HYAL2: variants seen among roughly 807,000 people sequenced by gnomAD.
HYAL2 encodes the protein hyaluronidase 2.
Under a neutral mutation model 35.4 loss-of-function variants are expected in HYAL2, and 30 were observed. The ratio of observed to expected loss-of-function variants is 0.85; its 90% CI spans 0.63 to 1.15. HYAL2 has a LOEUF of 1.15. HYAL2 is among the 50% of genes most tolerant of loss of function. The pLI is 0.00. For missense variants in HYAL2, 635 were observed against 646.5 expected, an observed-to-expected ratio of 0.98 and a Z score of 0.19; for synonymous variants, 262 against 252.8, an observed-to-expected ratio of 1.04 and a Z score of -0.34.
chr3:50,321,829 A>C (rs1242440183), intron 1 of HYAL2: 2 of 98,742 alleles, frequency 2.0e-5, no homozygotes, highest in Non-Finnish European at 4.4e-5. Context: ...GGGGGGGGGG[A>C]ATAGGAGGAG....
chr3:50,320,738 C>G lies in HYAL2; in HGVS notation c.-46-203G>C, dbSNP rs1702670165. 1 of 498,530 alleles carries G rather than the reference C, an allele frequency of 2.0e-6. No homozygotes were observed. The allele number at this position is 498,530 out of a possible 1,614,324, so 30.9% of individuals were successfully genotyped here. ...AGAAGCACAGGGCTCTTTTCTGGAGCAGGTAGCCTGTGGCTCGGCACAAAT... is the reference window on the plus strand; with the variant it reads ...AGAAGCACAGGGCTCTTTTCTGGAGGAGGTAGCCTGTGGCTCGGCACAAAT... On this transcript the variant is annotated intron_variant, in intron 1 of 3. Coordinates refer to ENST00000357750, the MANE Select transcript of HYAL2 (RefSeq NM_003773.5). This position sits in a 1 kb window ranked among gnomAD's most constrained non-coding sequence, Gnocchi z 4.8.
At position 50,320,111 on chromosome 3, in the gene HYAL2, C is replaced by T; in HGVS notation, c.379G>A (p.Ala127Thr). The change falls in exon 2 of 4, where the codon GCG becomes ACG. Residue 127 changes from alanine (A) to threonine (T), a missense_variant. Physicochemically the swap from Ala to Thr is moderately conservative, Grantham distance 58. Coordinates refer to ENST00000357750, the MANE Select transcript of HYAL2 (RefSeq NM_003773.5). The surrounding 1 kb of genome is among the most constrained non-coding windows in gnomAD (Gnocchi z 4.8). Reference sequence around the variant, plus strand: ...TCCCAGTCGATGACCGCCAGCCCCGCAGACTCCTGTGTCCGAATGTAGTGC... The same window carrying T: ...TCCCAGTCGATGACCGCCAGCCCCGTAGACTCCTGTGTCCGAATGTAGTGC... ...VEHYIRTQESAGLAVIDWEDW... is the reference protein window; with the variant it reads ...VEHYIRTQESTGLAVIDWEDW... The T allele has an allele frequency of 6.2e-7, 1 of 1,613,804 alleles. No individual in the cohort carries two copies.
In HYAL2 at chr3:50,322,385, A is replaced by T. The variant is rs967787453; in HGVS notation, c.-47+268T>A. 2 of 151,598 alleles carry T rather than the reference A, an allele frequency of 1.3e-5. No individual in the cohort carries two copies. Among genetic ancestry groups the T allele is most frequent in the Non-Finnish European group, 2.9e-5 (2 of 68,076 alleles). The allele number at this position is 151,598 out of a possible 1,614,324, so 9.4% of individuals were successfully genotyped here. On this transcript the variant is annotated intron_variant, in intron 1 of 3. Coordinates refer to ENST00000357750, the MANE Select transcript of HYAL2 (RefSeq NM_003773.5). This position sits in a 1 kb window ranked among gnomAD's most constrained non-coding sequence, Gnocchi z 5.5. ...CTGGACCTCCGAGAAAGCCAGCAAG[A>T]GGGGTCTCCCAGGGCCTCCATCCCG...
At position 50,318,670 on chromosome 3, in the gene HYAL2, C is replaced by T. The variant is rs923936706; in HGVS notation, c.1012-131G>A. 30 of 904,270 alleles carry T rather than the reference C, an allele frequency of 3.3e-5. No individual in the cohort carries two copies. The highest frequency in any genetic ancestry group is 5.0e-5 in the Non-Finnish European group (30 of 602,100). 56.0% of individuals were successfully genotyped at this position (904,270 alleles called of 1,614,324 possible). ...CACACATTCATACATTCAATCTGCACCTGAGCCACACAGTCCCTGCTCCTG... is the reference window on the plus strand; with the variant it reads ...CACACATTCATACATTCAATCTGCATCTGAGCCACACAGTCCCTGCTCCTG... On this transcript the variant is annotated intron_variant, in intron 3 of 3. Transcript: ENST00000357750. The surrounding 1 kb of genome is among the most constrained non-coding windows in gnomAD (Gnocchi z 4.5).
At chr3:50,321,431 T>A (rs1702693625) in intron 1 of HYAL2, 1 of 151,948 alleles carries the variant, frequency 6.6e-6, no homozygotes, top group Non-Finnish European at 1.5e-5. Context: ...CCCAGCCCGC[T>A]CCGGCCGTTC....
At chr3:50,321,739 G>A (rs1702701143) in intron 1 of HYAL2, 1 of 151,042 alleles carries the variant, frequency 6.6e-6, no homozygotes, top group Admixed American at 6.6e-5. Context: ...CGAGGCCGGT[G>A]GTTCAGTCCT....
In HYAL2 at chr3:50,318,067, T is replaced by C. The variant is rs587606595; in HGVS notation, c.*62A>G. The C allele has an allele frequency of 6.6e-5, 100 of 1,506,772 alleles. No homozygotes were observed. The African/African-American group carries it at 1.2e-3, about 18-fold the overall frequency. 93.3% of individuals were successfully genotyped at this position (1,506,772 alleles called of 1,614,324 possible). A position where few individuals can be genotyped will look rare whatever the true frequency, so the allele number is the denominator to read the frequency against. On this transcript the variant is annotated 3_prime_UTR_variant, in exon 4 of 4. Coordinates refer to ENST00000357750, the MANE Select transcript of HYAL2 (RefSeq NM_003773.5). The surrounding 1 kb of genome is among the most constrained non-coding windows in gnomAD (Gnocchi z 4.5). ...AGTTTGTCCACCCCCTGCAGGGTCC[T>C]ACATGCCTAAGAGAGCCCTTGTGGT...
At position 50,318,055 on chromosome 3, in the gene HYAL2, C is replaced by T. The variant is rs782167270; in HGVS notation, c.*74G>A. ...ACTCCAGACTCCAGTTTGTCCACCC[C>T]CTGCAGGGTCCTACATGCCTAAGAG... On this transcript the variant is annotated 3_prime_UTR_variant, in exon 4 of 4. Transcript: ENST00000357750. This position sits in a 1 kb window ranked among gnomAD's most constrained non-coding sequence, Gnocchi z 4.5. 4.1e-6 allele frequency: 6 copies of T among 1,475,808 alleles called. No homozygotes were observed. The highest frequency in any genetic ancestry group is 2.1e-4 in the Middle Eastern group (1 of 4,658). The allele number at this position is 1,475,808 out of a possible 1,614,324, so 91.4% of individuals were successfully genotyped here.
chr3:50,318,496 A>ACCAGCAGCCGTGTCAGGTAATCTTT lies in HYAL2; in HGVS notation c.1030_1054dup (p.Val352GlufsTer61). 2 of 1,610,748 alleles carry ACCAGCAGCCGTGTCAGGTAATCTTT rather than the reference A, an allele frequency of 1.2e-6. No individual in the cohort carries two copies. Among genetic ancestry groups the ACCAGCAGCCGTGTCAGGTAATCTTT allele is most frequent in the Non-Finnish European group, 1.7e-6 (2 of 1,178,146 alleles). On this transcript the variant is annotated frameshift_variant, in exon 4 of 4. Coordinates refer to ENST00000357750, the MANE Select transcript of HYAL2 (RefSeq NM_003773.5). LOFTEE classifies it high-confidence loss of function. This position sits in a 1 kb window ranked among gnomAD's most constrained non-coding sequence, Gnocchi z 4.5. ...CCAGGACACATTGACCACGTAGGGG[A>ACCAGCAGCCGTGTCAGGTAATCTTT]CCAGCAGCCGTGTCAGGTAATCTTT... is the stretch of plus-strand genomic sequence containing the variant.
chr3:50,320,444 C>A lies in HYAL2; in HGVS notation c.46G>T (p.Ala16Ser). The change falls in exon 2 of 4, where the codon GCG (alanine) becomes TCG (serine). Residue 16 changes from alanine to serine, a missense_variant. Ala to Ser is a moderately conservative substitution (Grantham distance 99). Transcript: ENST00000357750. This position sits in a 1 kb window ranked among gnomAD's most constrained non-coding sequence, Gnocchi z 4.8. ...TTGAGCTCCATGGCCCATGACACCG[C>A]CAGCACCAGGGCCAATGTAACGGTG... The part of the protein sequence containing the change: ...GPTVTLALVL[A>S]VSWAMELKPT... 1 of 1,578,736 alleles carries A rather than the reference C, an allele frequency of 6.3e-7. No homozygotes were observed. The highest frequency in any genetic ancestry group is 8.6e-7 in the Non-Finnish European group (1 of 1,160,856).
chr3:50,319,629 T>C lies in HYAL2; in HGVS notation c.861A>G (p.Ala287=), dbSNP rs1575530208. ...RVARTHHANH[A]LPVYVFTRPT... Reference sequence around the variant, plus strand: ...GTCGTGTGAAGACGTAGACTGGGAGTGCATGGTTGGCATGGTGGGTGCGAG... The same window carrying C: ...GTCGTGTGAAGACGTAGACTGGGAGCGCATGGTTGGCATGGTGGGTGCGAG... Residue 287 remains alanine (A), a synonymous_variant, in exon 2 of 4, where the codon GCA becomes GCG. Coordinates refer to ENST00000357750, the MANE Select transcript of HYAL2 (RefSeq NM_003773.5). The C allele has an allele frequency of 6.2e-7, 1 of 1,613,466 alleles. No individual in the cohort carries two copies. The highest frequency in any genetic ancestry group is 8.5e-7 in the Non-Finnish European group (1 of 1,179,968).
chr3:50,319,967 C>T lies in HYAL2; in HGVS notation c.523G>A (p.Ala175Thr). 6.2e-7 allele frequency: 1 copy of T among 1,613,566 alleles called. No homozygotes were observed. The highest frequency in any genetic ancestry group is 8.5e-7 in the Non-Finnish European group (1 of 1,180,040). ...GCTGCGAACTCAAACTCATATTGTG[C>T]CTGTTTGACTATGCGGTCTGGAGGC... ...DWPPDRIVKQ[A>T]QYEFEFAAQQ... is the part of the protein sequence containing the mutation. Residue 175 changes from alanine to threonine, a missense_variant, in exon 2 of 4, where the codon GCA becomes ACA. Transcript: ENST00000357750.
In HYAL2 at chr3:50,320,176, C is replaced by T; in HGVS notation, c.314G>A (p.Ser105Asn). ...CAGCATCTTCCGGTGTGCCCAAAGG[C>T]TGACATTCTGTGGCACACCACCATG... ...SVHGGVPQNVSLWAHRKMLQK... is the reference protein window; with the variant it reads ...SVHGGVPQNVNLWAHRKMLQK... The change falls in exon 2 of 4, where the codon AGC (serine) becomes AAC (asparagine). Residue 105 changes from serine (S) to asparagine (N), a missense_variant. Physicochemically the swap from Ser to Asn is conservative, Grantham distance 46. Transcript: ENST00000357750. The surrounding 1 kb of genome is among the most constrained non-coding windows in gnomAD (Gnocchi z 4.8). The T allele has an allele frequency of 6.2e-7, 1 of 1,613,934 alleles. No homozygotes were observed. Among genetic ancestry groups the T allele is most frequent in the East Asian group, 2.2e-5 (1 of 44,888 alleles).
At position 50,320,696 on chromosome 3, in the gene HYAL2, C is replaced by T; in HGVS notation, c.-46-161G>A. 1 of 525,206 alleles carries T rather than the reference C, an allele frequency of 1.9e-6. No homozygotes were observed. The highest frequency in any genetic ancestry group is 3.3e-6 in the Non-Finnish European group (1 of 302,498). 32.5% of individuals were successfully genotyped at this position (525,206 alleles called of 1,614,324 possible). On this transcript the variant is annotated intron_variant, in intron 1 of 3. Transcript: ENST00000357750. The surrounding 1 kb of genome is among the most constrained non-coding windows in gnomAD (Gnocchi z 4.8). ...GGCCACTGCAGGGCAGACAAGGCACCCTGGGAACTCACTGCCAGAAGCACA... is the reference window on the plus strand; with the variant it reads ...GGCCACTGCAGGGCAGACAAGGCACTCTGGGAACTCACTGCCAGAAGCACA...
rs1452951394 is a variant in HYAL2 at position 50,318,794 on chromosome 3, A to C, written c.1011+162T>G. 3 of 705,494 alleles carry C rather than the reference A, an allele frequency of 4.3e-6. No homozygotes were observed. The African/African-American group carries it at 5.3e-5, about 12-fold the overall frequency. 43.7% of individuals were successfully genotyped at this position (705,494 alleles called of 1,614,324 possible). ...AGGACAGCATTTCCTCTTTCCTGAGAGCAGGGCCGGGGTGACCTCCTCCTG... is the reference window on the plus strand; with the variant it reads ...AGGACAGCATTTCCTCTTTCCTGAGCGCAGGGCCGGGGTGACCTCCTCCTG... On this transcript the variant is annotated intron_variant, in intron 3 of 3. Coordinates refer to ENST00000357750, the MANE Select transcript of HYAL2 (RefSeq NM_003773.5). The surrounding 1 kb of genome is among the most constrained non-coding windows in gnomAD (Gnocchi z 4.5).
chr3:50,320,817 T>A lies in HYAL2; in HGVS notation c.-46-282A>T. On this transcript the variant is annotated intron_variant, in intron 1 of 3. Transcript: ENST00000357750. The surrounding 1 kb of genome is among the most constrained non-coding windows in gnomAD (Gnocchi z 4.8). ...ACTAGATAATTTGGGCTCACCAGAG[T>A]CACATATATGCCTGCATACCATCCA... 3.0e-6 allele frequency: 1 copy of A among 329,806 alleles called. No individual in the cohort carries two copies. The highest frequency in any genetic ancestry group is 4.5e-5 in the Admixed American group (1 of 22,326). 20.4% of individuals were successfully genotyped at this position (329,806 alleles called of 1,614,324 possible). A position where few individuals can be genotyped will look rare whatever the true frequency, so the allele number is the denominator to read the frequency against.
chr3:50,320,078 G>A lies in HYAL2; in HGVS notation c.412C>T (p.Arg138Ter), dbSNP rs1702651927. 4.3e-6 allele frequency: 7 copies of A among 1,613,420 alleles called. No individual in the cohort carries two copies. Among genetic ancestry groups the A allele is most frequent in the South Asian group, 1.1e-5 (1 of 91,094 alleles). Reference protein sequence around the residue: ...GLAVIDWEDWRPVWVRNWQDK... With the variant: ...GLAVIDWEDW Reference sequence around the variant, plus strand: ...TGCCAGTTGCGCACCCACACAGGTCGCCAGTCCTCCCAGTCGATGACCGCC... The same window carrying A: ...TGCCAGTTGCGCACCCACACAGGTCACCAGTCCTCCCAGTCGATGACCGCC... The change falls in exon 2 of 4, where the codon CGA becomes TGA. Residue 138 changes from arginine to a stop codon, truncating the protein, a stop_gained. Coordinates refer to ENST00000357750, the MANE Select transcript of HYAL2 (RefSeq NM_003773.5). LOFTEE classifies it high-confidence loss of function. This position sits in a 1 kb window ranked among gnomAD's most constrained non-coding sequence, Gnocchi z 4.8.
At position 50,318,568 on chromosome 3, in the gene HYAL2, C is replaced by T; in HGVS notation, c.1012-29G>A. On this transcript the variant is annotated intron_variant, in intron 3 of 3. Coordinates refer to ENST00000357750, the MANE Select transcript of HYAL2 (RefSeq NM_003773.5). This position sits in a 1 kb window ranked among gnomAD's most constrained non-coding sequence, Gnocchi z 4.5. The stretch of plus-strand genomic sequence containing the variant: ...GAGGCAGAAGACAAGGACCACAGGT[C>T]AGGGTCAGCTGCCTCAGCCCACAGG... 6.4e-6 allele frequency: 10 copies of T among 1,570,864 alleles called. No individual in the cohort carries two copies. Among genetic ancestry groups the T allele is most frequent in the Non-Finnish European group, 8.7e-6 (10 of 1,155,888 alleles).
At position 50,319,624 on chromosome 3, in the gene HYAL2, G is replaced by T; in HGVS notation, c.866C>A (p.Pro289Gln). 6.2e-7 allele frequency: 1 copy of T among 1,613,848 alleles called. No individual in the cohort carries two copies. The highest frequency in any genetic ancestry group is 1.1e-5 in the South Asian group (1 of 91,084). The change falls in exon 2 of 4, where the codon CCA becomes CAA. Residue 289 changes from proline (P) to glutamine (Q), a missense_variant. Transcript: ENST00000357750. ...GGTGGGTCGTGTGAAGACGTAGACTGGGAGTGCATGGTTGGCATGGTGGGT... is the reference window on the plus strand; with the variant it reads ...GGTGGGTCGTGTGAAGACGTAGACTTGGAGTGCATGGTTGGCATGGTGGGT... ...ARTHHANHALPVYVFTRPTYS... is the reference protein window; with the variant it reads ...ARTHHANHALQVYVFTRPTYS...
Sources: allele counts gnomAD v4.1 joint callset, GRCh38; gene constraint gnomAD v4.1.1; non-coding constraint Gnocchi (gnomAD v3.1); transcripts MANE v1.5; gene names NCBI Gene and HGNC (gene_info 2026-07-23, HGNC 2026-07-21).